VAV2: variants seen among roughly 807,000 people sequenced by gnomAD.
The protein encoded by VAV2 is guanine nucleotide exchange factor VAV2.
VAV2 carries 67 observed loss-of-function variants against 132.5 expected under a neutral mutation model. That is an observed-to-expected ratio of 0.51 (90% CI 0.42 to 0.62). The LOEUF (loss-of-function observed/expected upper bound fraction) is 0.62, where lower values mean the gene tolerates loss of function less well. Among genes scored for constraint, VAV2 ranks in the 20% least tolerant of loss-of-function variants. The pLI is 0.00. For missense variants in VAV2, 938 were observed against 1,153.6 expected (o/e 0.81, Z 2.71); for synonymous variants, 492 against 443.5 (o/e 1.11, Z -1.37).
At position 133,910,406 on chromosome 9, in the gene VAV2, G is replaced by C. The variant is rs114365155; in HGVS notation, c.321+28697C>G. Among the ~76,000 whole-genome samples the C allele has an allele frequency of 7.9e-3, 1,200 of 152,312 alleles. 20 individuals carry two copies. Among genetic ancestry groups the C allele is most frequent in the African/African-American group, 0.027 (1,124 of 41,574 alleles). On this transcript the variant is annotated intron_variant, in intron 2 of 29. Coordinates refer to ENST00000371850, the MANE Select transcript of VAV2 (RefSeq NM_001134398.2). ...ACCTTCCAGATGGAGGCACTGGACT[G>C]AAGGGGGCACCGTGCGGTGGGCTCT...
chr9:133,888,595 T>C (rs1341932006), intron 2 of VAV2, among the ~76,000 whole-genome samples: 1 of 152,150 alleles, frequency 6.6e-6, no homozygotes, highest in Non-Finnish European at 1.5e-5. Flanking sequence ...GACAGACGGA[T>C]GCAGCTCTGG....
chr9:133,877,584 G>A (rs1361630386), intron 2 of VAV2, among the ~76,000 whole-genome samples: 2 of 152,184 alleles, frequency 1.3e-5, no homozygotes, highest in Non-Finnish European at 2.9e-5. Flanking sequence ...TCAGCTAGAT[G>A]GTCTGATGCA....
chr9:133,792,699 C>T (rs1834546490), intron 12 of VAV2, among the ~76,000 whole-genome samples: 1 of 122,288 alleles, frequency 8.2e-6, no homozygotes, highest in Non-Finnish European at 1.6e-5. Flanking sequence ...CACCCCCCAC[C>T]CAGCATCCAG....
At chr9:133,911,060 G>C (rs810664) in intron 2 of VAV2, among the ~76,000 whole-genome samples, 3 of 152,144 alleles carry the variant, frequency 2.0e-5, no homozygotes, top group African/African-American at 7.2e-5. Flanking sequence ...AGGCTACATG[G>C]GCTGCAGGAA....
At chr9:133,974,240 C>T (rs1313045322) in intron 1 of VAV2, among the ~76,000 whole-genome samples, 5 of 152,162 alleles carry the variant, frequency 3.3e-5, no homozygotes, top group African/African-American at 4.8e-5. Context: ...GAGCCAGGCA[C>T]GGGGTAGCGG....
intron 6 of VAV2, among the ~76,000 whole-genome samples, chr9:133,809,347 C>T (rs1002492475): frequency 2.0e-5 from 3 of 152,102 alleles, no homozygotes; most frequent in Non-Finnish European, 4.4e-5. Context: ...AACTGACGCA[C>T]GGGGAGGGGA....
At chr9:133,852,648 C>G (rs997974080) in intron 3 of VAV2, among the ~76,000 whole-genome samples, 2 of 152,186 alleles carry the variant, frequency 1.3e-5, no homozygotes, top group African/African-American at 4.8e-5. Flanking sequence ...TTCACGCCCC[C>G]CTGCCAGGCT....
chr9:133,873,137 A>AG (rs1838128972), intron 2 of VAV2, among the ~76,000 whole-genome samples: 1 of 151,780 alleles, frequency 6.6e-6, no homozygotes, highest in South Asian at 2.1e-4. Flanking sequence ...GAAGGAAGAC[A>AG]GGAAAACACA....
chr9:133,942,127 C>T (rs140818716), intron 1 of VAV2, among the ~76,000 whole-genome samples: 7 of 152,300 alleles, frequency 4.6e-5, no homozygotes, highest in Admixed American at 1.3e-4. Flanking sequence ...GGAGAAGACA[C>T]TGAGTTTTAC....
chr9:133,944,955 T>A (rs1841307870), intron 1 of VAV2, among the ~76,000 whole-genome samples: 1 of 152,170 alleles, frequency 6.6e-6, no homozygotes, highest in Non-Finnish European at 1.5e-5. Flanking sequence ...TGGCTACGCG[T>A]CTCGGTGCGC....
rs1267974466 is a variant in VAV2, at chr9:133,807,242, G to A, written c.735+16C>T. On this transcript the variant is annotated intron_variant, in intron 8 of 29. Coordinates refer to ENST00000371850, the MANE Select transcript of VAV2 (RefSeq NM_001134398.2). ...GCCCCGAGCCTGGCATGAGCGATGGGGGCCGGGACCCTTACCTCCAGGTTA... is the reference window on the plus strand; with the variant it reads ...GCCCCGAGCCTGGCATGAGCGATGGAGGCCGGGACCCTTACCTCCAGGTTA... 3.1e-6 allele frequency: 5 copies of A among 1,607,706 alleles called. No homozygotes were observed. The highest frequency in any genetic ancestry group is 4.2e-6 in the Non-Finnish European group (5 of 1,178,116).
At chr9:133,820,621 G>A (rs1237835414) in intron 4 of VAV2, among the ~76,000 whole-genome samples, 2 of 152,166 alleles carry the variant, frequency 1.3e-5, no homozygotes, top group South Asian at 2.1e-4. Flanking sequence ...CACCGCGCCC[G>A]GCCTCCATAA....
chr9:133,991,435 G>A lies in VAV2; in HGVS notation c.204+640C>T, dbSNP rs568551754. On this transcript the variant is annotated intron_variant, in intron 1 of 29. Transcript: ENST00000371850. This position sits in a 1 kb window ranked among gnomAD's most constrained non-coding sequence, Gnocchi z 4.8. ...GGTGTTGGGAAAGCGATGGGGGCCAGGACTGGGGCCAAGTGGCCCTGGGGA... is the reference window on the plus strand; with the variant it reads ...GGTGTTGGGAAAGCGATGGGGGCCAAGACTGGGGCCAAGTGGCCCTGGGGA... Among the ~76,000 whole-genome samples, 1 of 150,734 alleles carries A rather than the reference G, an allele frequency of 6.6e-6. No homozygotes were observed. Among genetic ancestry groups the A allele is most frequent in the Non-Finnish European group, 1.5e-5 (1 of 67,422 alleles).
chr9:133,938,902 C>G (rs571376080), intron 2 of VAV2, among the ~76,000 whole-genome samples: 2 of 152,338 alleles, frequency 1.3e-5, no homozygotes, highest in South Asian at 2.1e-4. Context: ...GTTGTCCCAG[C>G]CCCGACACAC....
chr9:133,946,231 A>C (rs532646), intron 1 of VAV2, among the ~76,000 whole-genome samples: 57,282 of 152,162 alleles, frequency 0.38, 11,073 homozygotes, highest in Non-Finnish European at 0.42. Context: ...GGCAGCTGCC[A>C]GGGACTGGGG....
At chr9:133,914,044 C>A (rs1588360880) in intron 2 of VAV2, among the ~76,000 whole-genome samples, 1 of 152,350 alleles carries the variant, frequency 6.6e-6, no homozygotes, top group Non-Finnish European at 1.5e-5. Flanking sequence ...AACCAACAAG[C>A]AACCAAAGAC....
At chr9:133,865,682 T>G (rs2131881814) in intron 2 of VAV2, among the ~76,000 whole-genome samples, 1 of 152,382 alleles carries the variant, frequency 6.6e-6, no homozygotes, top group South Asian at 2.1e-4. Flanking sequence ...CGACTGCATC[T>G]GCTAGCCCCC....
At chr9:133,835,723 C>T (rs183982477) in intron 3 of VAV2, among the ~76,000 whole-genome samples, 5 of 152,294 alleles carry the variant, frequency 3.3e-5, no homozygotes, top group African/African-American at 7.2e-5. Context: ...CGGTCCGTCC[C>T]GGCAGCCCCG....
At chr9:133,861,003 C>T (rs1453748559) in intron 3 of VAV2, among the ~76,000 whole-genome samples, 2 of 152,232 alleles carry the variant, frequency 1.3e-5, no homozygotes, top group Non-Finnish European at 1.5e-5. Flanking sequence ...CATGCTCCGG[C>T]GCCATCCCTG....
Sources: allele counts gnomAD v4.1 joint callset (sites outside exome capture counted in the v4.1 genomes callset), GRCh38; gene constraint gnomAD v4.1.1; non-coding constraint Gnocchi (gnomAD v3.1); transcripts MANE v1.5; gene names NCBI Gene and HGNC (gene_info 2026-07-23, HGNC 2026-07-21).